UNC79: variants seen among roughly 807,000 people sequenced by gnomAD.
UNC79 encodes unc-79 subunit of NALCN channel complex, also known as protein unc-79 homolog.
UNC79 carries 37 observed loss-of-function variants against 283.1 expected under a neutral mutation model. The observed-to-expected ratio is 0.13, with a 90% CI of 0.10 to 0.17. UNC79 has a LOEUF of 0.17. Among genes scored for constraint, UNC79 ranks in the 10% least tolerant of loss-of-function variants. The pLI is 1.00. For missense variants in UNC79, 2,272 were observed against 3,211.1 expected (o/e 0.71, Z 7.07); for synonymous variants, 1,107 against 1,200.2 (o/e 0.92, Z 1.61).
At chr14:93,494,782 T>C (rs1000267914) in intron 5 of UNC79, among the ~76,000 whole-genome samples, 5 of 152,162 alleles carry the variant, frequency 3.3e-5, no homozygotes, top group Admixed American at 6.5e-5. Flanking sequence ...GTTGCATCTG[T>C]TAAGATGTCT....
At chr14:93,697,567 G>T (rs1328215606) in intron 47 of UNC79, among the ~76,000 whole-genome samples, 2 of 152,036 alleles carry the variant, frequency 1.3e-5, no homozygotes, top group African/African-American at 4.8e-5. Flanking sequence ...TAGGTCATTT[G>T]CCATTCGAGA....
chr14:93,418,426 C>T (rs1340050296), intron 1 of UNC79, among the ~76,000 whole-genome samples: 1 of 151,718 alleles, frequency 6.6e-6, no homozygotes, highest in Non-Finnish European at 1.5e-5. Flanking sequence ...TCAGTCTGCC[C>T]CTACTGGGGG....
Position 93,688,823 on chromosome 14 carries a change from C to G in UNC79, c.7068C>G (p.Pro2356=). 1 of 1,613,924 alleles carries G rather than the reference C, an allele frequency of 6.2e-7. No individual in the cohort carries two copies. The highest frequency in any genetic ancestry group is 8.5e-7 in the Non-Finnish European group (1 of 1,179,948). Residue 2356 remains proline (P), a synonymous_variant, in exon 44 of 49, where the codon CCC becomes CCG. Coordinates refer to ENST00000555664, the Ensembl canonical transcript of UNC79. The surrounding 1 kb of genome is among the most constrained non-coding windows in gnomAD (Gnocchi z 4.0). ...ATCTGCCTTGGCTTTATCATCCCCC[C>G]TCTGCAATGCAGCAAGGGTAAGACC...
intron 35 of UNC79, 62 bp from the exon 39 acceptor site, chr14:93,653,680 A>G: frequency 6.8e-7 from 1 of 1,464,362 alleles, no homozygotes; most frequent in South Asian, 1.2e-5. Flanking sequence ...CTCTAAGTAA[A>G]TATCTGAACA....
chr14:93,493,403 CTTTG>C (rs1234894663), intron 5 of UNC79, among the ~76,000 whole-genome samples: 1 of 152,070 alleles, frequency 6.6e-6, no homozygotes, highest in African/African-American at 2.4e-5. Context: ...TGCTGAACGG[CTTTG>C]AGTGGGCTGT....
intron 4 of UNC79, among the ~76,000 whole-genome samples, chr14:93,480,850 T>C (rs2058092460): frequency 6.6e-6 from 1 of 152,194 alleles, no homozygotes; most frequent in Non-Finnish European, 1.5e-5. Flanking sequence ...ACTGAGATGT[T>C]AGGATGAAGG....
intron 1 of UNC79, among the ~76,000 whole-genome samples, chr14:93,378,050 T>C (rs766932061): frequency 1.9e-4 from 29 of 152,192 alleles, no homozygotes; most frequent in Admixed American, 1.3e-4. Flanking sequence ...AATAAGCCTA[T>C]TGGTAAATGA....
At chr14:93,600,542 C>CT (rs551722750) in intron 24 of UNC79, 27 bp from the exon 25 acceptor site, 51,850 of 1,030,654 alleles carry the variant, frequency 0.05, no homozygotes, top group South Asian at 0.063. Context: ...TTCTTCTTTT[C>CT]TTTTTTTTTT....
chr14:93,607,156 T>C (rs2065943259), intron 26 of UNC79, among the ~76,000 whole-genome samples: 1 of 152,210 alleles, frequency 6.6e-6, no homozygotes, highest in African/African-American at 2.4e-5. Flanking sequence ...AATTTTGTCT[T>C]CATATATTTA....
chr14:93,500,695 A>G (rs1296050413), intron 7 of UNC79, among the ~76,000 whole-genome samples: 1 of 152,222 alleles, frequency 6.6e-6, no homozygotes. Flanking sequence ...GAGGAGTGGG[A>G]CATAGAGTTT....
At chr14:93,581,414 C>T (rs1190968640) in intron 19 of UNC79, among the ~76,000 whole-genome samples, 1 of 151,514 alleles carries the variant, frequency 6.6e-6, no homozygotes, top group East Asian at 1.9e-4. Flanking sequence ...TCAAGTGATC[C>T]TCCTTGCCTC....
At chr14:93,603,971 G>C (rs761159971) in intron 26 of UNC79, among the ~76,000 whole-genome samples, 2 of 151,970 alleles carry the variant, frequency 1.3e-5, no homozygotes, top group African/African-American at 2.4e-5. Flanking sequence ...ATAAAAATAA[G>C]CTTCATTGCC....
At chr14:93,345,320 AC>A (rs2053801232) in intron 1 of UNC79, among the ~76,000 whole-genome samples, 3 of 152,362 alleles carry the variant, frequency 2.0e-5, no homozygotes, top group African/African-American at 7.2e-5. Flanking sequence ...ACAGAAAGGA[AC>A]AAAAGTAACT....
chr14:93,362,803 T>G (rs948236594), intron 1 of UNC79, among the ~76,000 whole-genome samples: 2 of 152,274 alleles, frequency 1.3e-5, no homozygotes. Flanking sequence ...TTCTGAGAGA[T>G]TTTGTTTTTC....
At chr14:93,636,632 A>G (rs992415497) in intron 31 of UNC79, among the ~76,000 whole-genome samples, 3 of 152,080 alleles carry the variant, frequency 2.0e-5, no homozygotes, top group East Asian at 1.9e-4. Context: ...ACCCATGCAT[A>G]TGAGACCTGC....
intron 1 of UNC79, among the ~76,000 whole-genome samples, chr14:93,453,438 T>G (rs2056707378): frequency 6.6e-6 from 1 of 152,230 alleles, no homozygotes; most frequent in Non-Finnish European, 1.5e-5. Context: ...GAGAGCTCAG[T>G]GAAATTTAGT....
At chr14:93,706,984 T>C, downstream of UNC79, 1 of 1,517,002 alleles carries the variant, frequency 6.6e-7, no homozygotes, top group Non-Finnish European at 9.0e-7. Flanking sequence ...TCCAAGCAGG[T>C]TGGGGAACAT....
intron 31 of UNC79, 183 bp from the exon 35 acceptor site, chr14:93,637,033 A>G: frequency 1.6e-6 from 1 of 644,986 alleles, no homozygotes; most frequent in East Asian, 2.8e-5. Flanking sequence ...ACTGAATGGC[A>G]GGTTTGTAGT....
intron 1 of UNC79, among the ~76,000 whole-genome samples, chr14:93,384,808 G>T (rs2054735798): frequency 6.6e-6 from 1 of 152,158 alleles, no homozygotes; most frequent in Non-Finnish European, 1.5e-5. Flanking sequence ...TAGTTTCATA[G>T]TTTGAGGTCT....
Sources: allele counts gnomAD v4.1 joint callset (sites outside exome capture counted in the v4.1 genomes callset), GRCh38; gene constraint gnomAD v4.1.1; non-coding constraint Gnocchi (gnomAD v3.1); transcripts MANE v1.5; gene names NCBI Gene and HGNC (gene_info 2026-07-23, HGNC 2026-07-21).